ZNF503: variants seen among roughly 807,000 people sequenced by gnomAD.
ZNF503 encodes the protein NocA-like zinc finger 2.
A neutral mutation model predicts 34.4 loss-of-function variants in ZNF503; 15 were observed. That is an observed-to-expected ratio of 0.44 (90% CI 0.29 to 0.67). ZNF503 has a LOEUF of 0.67. Among genes scored for constraint, ZNF503 ranks in the 30% least tolerant of loss-of-function variants. ZNF503 has a pLI of 0.13. For missense variants in ZNF503, 1,007 were observed against 926.8 expected, an observed-to-expected ratio of 1.09 and a Z score of -1.12; for synonymous variants, 580 against 456.8, an observed-to-expected ratio of 1.27 and a Z score of -3.44.
At chr10:75,380,669 G>A in the ZNF503 span, among the ~76,000 whole-genome samples, 6 of 152,282 alleles carry the variant, frequency 3.9e-5, no homozygotes, top group South Asian at 2.1e-4. Flanking sequence ...CTGCTTCCTC[G>A]AGATTCCGCC....
At chr10:75,345,257 C>T in the ZNF503 span, among the ~76,000 whole-genome samples, 2 of 152,138 alleles carry the variant, frequency 1.3e-5, no homozygotes, top group African/African-American at 4.8e-5. Context: ...GAGATCAAGA[C>T]CCTGACTGAT....
the ZNF503 span, among the ~76,000 whole-genome samples, chr10:75,372,782 G>A: frequency 1.3e-5 from 2 of 152,172 alleles, no homozygotes; most frequent in African/African-American, 4.8e-5. Context: ...AGAGTTCAGG[G>A]GGTATTTTCC....
the ZNF503 span, among the ~76,000 whole-genome samples, chr10:75,330,760 A>T: frequency 6.6e-6 from 1 of 151,612 alleles, no homozygotes; most frequent in Non-Finnish European, 1.5e-5. Flanking sequence ...TGTTTAGCTA[A>T]TGGTTTGTAC....
the ZNF503 span, among the ~76,000 whole-genome samples, chr10:75,292,818 C>A: frequency 6.7e-6 from 1 of 149,476 alleles, no homozygotes; most frequent in African/African-American, 2.6e-5. Context: ...TTCTTGTGGT[C>A]TCCCTGGGAT....
chr10:75,352,977 A>T, the ZNF503 span, among the ~76,000 whole-genome samples: 452 of 152,202 alleles, frequency 3.0e-3, 2 homozygotes, highest in African/African-American at 0.01. Flanking sequence ...CTAGAGGAGC[A>T]CCCACACAAC....
the ZNF503 span, among the ~76,000 whole-genome samples, chr10:75,331,373 G>T: frequency 6.6e-6 from 1 of 152,226 alleles, no homozygotes; most frequent in South Asian, 2.1e-4. Flanking sequence ...CTGTCTAGAT[G>T]ATTTGTCCAA....
chr10:75,292,852 A>G, the ZNF503 span, among the ~76,000 whole-genome samples: 29 of 151,986 alleles, frequency 1.9e-4, no homozygotes, highest in South Asian at 1.9e-3. Context: ...CTTTTTGCCT[A>G]CCTCCTCGTT....
chr10:75,323,536 G>A, the ZNF503 span, among the ~76,000 whole-genome samples: 105 of 152,280 alleles, frequency 6.9e-4, no homozygotes, highest in Non-Finnish European at 1.3e-3. Context: ...CACTTTGGTA[G>A]TACTTGATAT....
downstream of ZNF503, among the ~76,000 whole-genome samples, chr10:75,396,778 G>A (rs1843705394): frequency 6.6e-6 from 1 of 152,130 alleles, no homozygotes; most frequent in South Asian, 2.1e-4. The surrounding 1 kb of genome is among the most constrained non-coding windows in gnomAD (Gnocchi z 4.4). Context: ...CAACTAGCCG[G>A]AGGACCTGGG....
the ZNF503 span, among the ~76,000 whole-genome samples, chr10:75,359,675 G>C: frequency 9.2e-5 from 14 of 152,216 alleles, no homozygotes; most frequent in African/African-American, 3.1e-4. Flanking sequence ...CCCATGAGTA[G>C]AGCTAACCAT....
chr10:75,385,281 G>A, the ZNF503 span, among the ~76,000 whole-genome samples: 1 of 152,214 alleles, frequency 6.6e-6, no homozygotes, highest in Non-Finnish European at 1.5e-5. Context: ...ATTCTCTTGG[G>A]ATGGGCAAAG....
At chr10:75,325,176 C>A in the ZNF503 span, among the ~76,000 whole-genome samples, 1 of 151,980 alleles carries the variant, frequency 6.6e-6, no homozygotes, top group Admixed American at 6.6e-5. Flanking sequence ...TATTCTAGAA[C>A]CGTTTGTTGA....
chr10:75,297,877 C>G, the ZNF503 span, among the ~76,000 whole-genome samples: 4 of 152,220 alleles, frequency 2.6e-5, no homozygotes, highest in African/African-American at 9.6e-5. Flanking sequence ...AAGATACATT[C>G]TCATCCCAGC....
the ZNF503 span, among the ~76,000 whole-genome samples, chr10:75,376,542 G>A: frequency 6.6e-6 from 1 of 152,152 alleles, no homozygotes; most frequent in East Asian, 1.9e-4. Context: ...TAGTTAGGAG[G>A]CTGAGGCATG....
rs1263546728 is a variant in ZNF503 at position 75,398,844 on chromosome 10, G to C, written c.1846C>G (p.Pro616Ala). ...SKSPLPTPGA[P>A]VPVPAATGPY... The stretch of plus-strand genomic sequence containing the variant: ...CCGGTGGCGGCGGGCACCGGCACGG[G>C]GGCGCCAGGCGTGGGAAGCGGGCTC... Residue 616 changes from proline (P) to alanine (A), a missense_variant, in exon 2 of 2, where the codon CCC (proline) becomes GCC (alanine). Transcript: ENST00000372524. 3.3e-6 allele frequency: 5 copies of C among 1,503,364 alleles called. No homozygotes were observed. Among genetic ancestry groups the C allele is most frequent in the Non-Finnish European group, 4.4e-6 (5 of 1,132,026 alleles). The allele number at this position is 1,503,364 out of a possible 1,614,324, so 93.1% of individuals were successfully genotyped here. A position where few individuals can be genotyped will look rare whatever the true frequency, so the allele number is the denominator to read the frequency against.
At chr10:75,305,783 T>C in the ZNF503 span, among the ~76,000 whole-genome samples, 2 of 152,186 alleles carry the variant, frequency 1.3e-5, no homozygotes, top group Admixed American at 6.5e-5. Flanking sequence ...TTTGTGACTT[T>C]TTGTGTCTAT....
chr10:75,341,024 A>G, the ZNF503 span, among the ~76,000 whole-genome samples: 2 of 152,212 alleles, frequency 1.3e-5, no homozygotes, highest in Non-Finnish European at 2.9e-5. Flanking sequence ...TATTTCAGTC[A>G]TTATTTCATT....
At chr10:75,314,094 G>A in the ZNF503 span, among the ~76,000 whole-genome samples, 1 of 152,144 alleles carries the variant, frequency 6.6e-6, no homozygotes, top group Admixed American at 6.5e-5. Flanking sequence ...CAACCTCAAA[G>A]AAATGGAGAT....
the ZNF503 span, among the ~76,000 whole-genome samples, chr10:75,320,524 C>A: frequency 4.8e-5 from 7 of 146,486 alleles, no homozygotes; most frequent in South Asian, 1.5e-3. Flanking sequence ...AAATAGATTA[C>A]AGCAATATAT....
Sources: allele counts gnomAD v4.1 joint callset (sites outside exome capture counted in the v4.1 genomes callset), GRCh38; gene constraint gnomAD v4.1.1; non-coding constraint Gnocchi (gnomAD v3.1); transcripts MANE v1.5; gene names NCBI Gene and HGNC (gene_info 2026-07-23, HGNC 2026-07-21).